The following C13orf42 variants were observed in gnomAD, a reference collection of about 807,000 sequenced individuals.
The protein encoded by C13orf42 is chromosome 13 open reading frame 42.
At chr13:51,123,857 C>A (rs150256506) in intron 1 of C13orf42, among the ~76,000 whole-genome samples, 377 of 152,314 alleles carry the variant, frequency 2.5e-3, no homozygotes, top group East Asian at 0.021. Context: ...TTGTTCATCC[C>A]TGGGCGTAGT....
intron 1 of C13orf42, among the ~76,000 whole-genome samples, chr13:51,150,685 C>T (rs1953771865): frequency 1.3e-5 from 2 of 152,174 alleles, no homozygotes; most frequent in Admixed American, 1.3e-4. Context: ...CATCAATTTG[C>T]CTAGGGGTCA....
At chr13:51,171,840 C>G (rs369130276) in intron 1 of C13orf42, 1 of 152,062 alleles carries the variant, frequency 6.6e-6, no homozygotes, top group Non-Finnish European at 1.5e-5. Context: ...AACCCTGAGA[C>G]GCTTTACAGC....
chr13:51,104,842 A>C (rs1442200995), intron 1 of C13orf42, among the ~76,000 whole-genome samples: 1 of 152,142 alleles, frequency 6.6e-6, no homozygotes, highest in African/African-American at 2.4e-5. Flanking sequence ...AGAGAAGTAA[A>C]ATAACCCAAG....
intron 1 of C13orf42, among the ~76,000 whole-genome samples, chr13:51,134,333 A>G (rs1260629701): frequency 6.6e-6 from 1 of 151,912 alleles, no homozygotes; most frequent in Non-Finnish European, 1.5e-5. Flanking sequence ...AATCCCCTTT[A>G]CTGGGGTATG....
At chr13:51,142,718 G>A (rs1566137748) in intron 1 of C13orf42, among the ~76,000 whole-genome samples, 1 of 151,072 alleles carries the variant, frequency 6.6e-6, no homozygotes, top group Non-Finnish European at 1.5e-5. Context: ...AAGGAACCAG[G>A]AACTAAAAAA....
intron 1 of C13orf42, among the ~76,000 whole-genome samples, chr13:51,142,492 C>A (rs1246858736): frequency 6.6e-6 from 1 of 150,474 alleles, no homozygotes; most frequent in Non-Finnish European, 1.5e-5. Context: ...TACTTGTAGA[C>A]AAACTGGTCA....
chr13:51,100,460 TAAC>T, intron 1 of C13orf42, among the ~76,000 whole-genome samples: 1 of 152,060 alleles, frequency 6.6e-6, no homozygotes, highest in South Asian at 2.1e-4. Flanking sequence ...TATAAATAAA[TAAC>T]AAAACTTTAA....
intron 1 of C13orf42, among the ~76,000 whole-genome samples, chr13:51,107,776 A>G (rs1953376052): frequency 6.6e-6 from 1 of 152,248 alleles, no homozygotes; most frequent in Admixed American, 6.5e-5. Context: ...TTCAGCTTCA[A>G]GCTCACCAAG....
chr13:51,167,189 C>A (rs765944864), intron 1 of C13orf42, among the ~76,000 whole-genome samples: 4 of 152,082 alleles, frequency 2.6e-5, no homozygotes, highest in Admixed American at 6.5e-5. Flanking sequence ...GTCCAGGAAA[C>A]CCATCAGTAG....
intron 1 of C13orf42, among the ~76,000 whole-genome samples, chr13:51,151,885 G>A (rs977105649): frequency 1.3e-5 from 2 of 152,188 alleles, no homozygotes; most frequent in African/African-American, 4.8e-5. Flanking sequence ...CATGAATGCT[G>A]AAGAAGGAAG....
chr13:51,170,591 A>G (rs1458128712), intron 1 of C13orf42, among the ~76,000 whole-genome samples: 1 of 152,124 alleles, frequency 6.6e-6, no homozygotes, highest in Non-Finnish European at 1.5e-5. Context: ...ATTTTCTGGT[A>G]GAGACAAAAG....
chr13:51,170,350 T>C (rs1953938281), intron 1 of C13orf42, among the ~76,000 whole-genome samples: 1 of 152,162 alleles, frequency 6.6e-6, no homozygotes, highest in African/African-American at 2.4e-5. Flanking sequence ...GGGACCTCCC[T>C]TGGGAGATCA....
intron 1 of C13orf42, among the ~76,000 whole-genome samples, chr13:51,141,120 GT>G (rs1953693108): frequency 6.6e-6 from 1 of 150,872 alleles, no homozygotes; most frequent in Non-Finnish European, 1.5e-5. Flanking sequence ...GTGTGTGTGT[GT>G]GTGTGTGTGT....
At chr13:51,169,505 A>G (rs1953928908) in intron 1 of C13orf42, among the ~76,000 whole-genome samples, 1 of 152,252 alleles carries the variant, frequency 6.6e-6, no homozygotes, top group African/African-American at 2.4e-5. Flanking sequence ...GATAGCCAAC[A>G]TAATAGGGAA....
At chr13:51,112,913 C>A (rs1953449066), upstream of C13orf42, among the ~76,000 whole-genome samples, 1 of 152,168 alleles carries the variant, frequency 6.6e-6, no homozygotes, top group Non-Finnish European at 1.5e-5. Context: ...TCTCTCCAAA[C>A]CACTTCCCTA....
intron 1 of C13orf42, among the ~76,000 whole-genome samples, chr13:51,099,403 G>GA (rs1207999886): frequency 3.3e-5 from 5 of 151,906 alleles, no homozygotes; most frequent in Non-Finnish European, 2.9e-5. Context: ...CAGGGCTGAA[G>GA]AAAAAAATCA....
chr13:51,123,220 C>T (rs1160469794), intron 1 of C13orf42, among the ~76,000 whole-genome samples: 1 of 152,196 alleles, frequency 6.6e-6, no homozygotes, highest in Non-Finnish European at 1.5e-5. Flanking sequence ...TTTGCTGTGA[C>T]AACAAATAAC....
In C13orf42 at chr13:51,153,176, G is replaced by A. The variant is rs141006316; in HGVS notation, n.136+19077C>T. On this transcript the variant is annotated intron_variant and non_coding_transcript_variant, in intron 1 of 4. Transcript: ENST00000433280. ...CTCAGCTCCTGCCATTGCACCTGCCGCCTCCCTAGCAAGGGTTCTTCAACA... is the reference window on the plus strand; with the variant it reads ...CTCAGCTCCTGCCATTGCACCTGCCACCTCCCTAGCAAGGGTTCTTCAACA... Among the ~76,000 whole-genome samples the A allele has an allele frequency of 2.5e-3, 381 of 152,202 alleles. 1 individual carries two copies. Among genetic ancestry groups the A allele is most frequent in the African/African-American group, 8.9e-3 (369 of 41,534 alleles).
At chr13:51,168,318 T>C (rs1292277063) in intron 1 of C13orf42, among the ~76,000 whole-genome samples, 2 of 152,228 alleles carry the variant, frequency 1.3e-5, no homozygotes, top group African/African-American at 4.8e-5. Flanking sequence ...AAGTCTTATG[T>C]GCCAGAGATT....
Sources: allele counts gnomAD v4.1 joint callset (sites outside exome capture counted in the v4.1 genomes callset), GRCh38; gene constraint gnomAD v4.1.1; transcripts MANE v1.5; gene names NCBI Gene and HGNC (gene_info 2026-07-23, HGNC 2026-07-21).